RAD51B: variants seen among roughly 807,000 people sequenced by gnomAD.
The protein encoded by RAD51B is RAD51 paralog B, also known as DNA repair protein RAD51 homolog 2.
RAD51B carries 38 observed loss-of-function variants against 42.2 expected under a neutral mutation model. That is an observed-to-expected ratio of 0.90 (90% CI 0.70 to 1.18). RAD51B has a LOEUF of 1.18. Among genes scored for constraint, RAD51B ranks in the 50% most tolerant of loss-of-function variants. RAD51B has a pLI of 0.00. For synonymous variants in RAD51B, 154 were observed against 145.2 expected (o/e 1.06, Z -0.43); for missense variants, 373 against 400.7 (o/e 0.93, Z 0.59).
At chr14:68,059,392 T>C (rs577220254) in intron 7 of RAD51B, among the ~76,000 whole-genome samples, 2 of 152,284 alleles carry the variant, frequency 1.3e-5, no homozygotes, top group Non-Finnish European at 1.5e-5. Context: ...CAAGACACAA[T>C]GGCCTGGCCT....
chr14:68,477,315 T>C (rs1452687141), intron 10 of RAD51B, among the ~76,000 whole-genome samples: 1 of 152,216 alleles, frequency 6.6e-6, no homozygotes, highest in Non-Finnish European at 1.5e-5. Flanking sequence ...TGGCTACAGA[T>C]GGCAGCTGGC....
intron 4 of RAD51B, among the ~76,000 whole-genome samples, chr14:67,854,141 C>G (rs2041908589): frequency 6.6e-6 from 1 of 152,110 alleles, no homozygotes; most frequent in African/African-American, 2.4e-5. Context: ...TTTTTCTTAA[C>G]CACACCCTCC....
chr14:68,551,931 G>C (rs992582019), intron 10 of RAD51B, among the ~76,000 whole-genome samples: 21 of 152,254 alleles, frequency 1.4e-4, no homozygotes, highest in African/African-American at 4.6e-4. Flanking sequence ...AAGTCATAAG[G>C]GTGCTGTTCT....
At chr14:68,600,488 C>T (rs1293901976), downstream of RAD51B, among the ~76,000 whole-genome samples, 1 of 152,204 alleles carries the variant, frequency 6.6e-6, no homozygotes, top group African/African-American at 2.4e-5. Context: ...TGGGTATTGG[C>T]AGCCCACAGG....
At chr14:67,954,062 T>C (rs17104800) in intron 7 of RAD51B, among the ~76,000 whole-genome samples, 49,705 of 152,008 alleles carry the variant, frequency 0.33, 11,554 homozygotes, top group African/African-American at 0.66. Context: ...AGGTGTGTGA[T>C]CTTGTTTTAC....
At chr14:67,973,583 A>G (rs1719022204) in intron 7 of RAD51B, among the ~76,000 whole-genome samples, 2 of 152,194 alleles carry the variant, frequency 1.3e-5, no homozygotes, top group South Asian at 4.1e-4. Flanking sequence ...CAAACCACAT[A>G]GGACAAATTG....
At position 68,157,719 on chromosome 14, in the gene RAD51B, G is replaced by A. The variant is rs151117741; in HGVS notation, c.757-134165G>A. ...ATCCTGAATAAAAACAATAATAATGGCAATAACAAACTATTATTTTTTTAA... is the reference window on the plus strand; with the variant it reads ...ATCCTGAATAAAAACAATAATAATGACAATAACAAACTATTATTTTTTTAA... On this transcript the variant is annotated intron_variant, in intron 7 of 10. Transcript: ENST00000471583. Among the ~76,000 whole-genome samples, 563 of 152,200 alleles carry A rather than the reference G, an allele frequency of 3.7e-3. 3 individuals are homozygous for A. The highest frequency in any genetic ancestry group is 7.5e-3 in the Admixed American group (114 of 15,288).
chr14:68,042,445 G>C (rs1456287824), intron 7 of RAD51B, among the ~76,000 whole-genome samples: 1 of 152,140 alleles, frequency 6.6e-6, no homozygotes, highest in Non-Finnish European at 1.5e-5. Flanking sequence ...AGGAATAGTT[G>C]TTTCCTACCA....
At chr14:68,504,662 C>CTTTTTTT (rs57967320) in intron 10 of RAD51B, among the ~76,000 whole-genome samples, 48 of 90,416 alleles carry the variant, frequency 5.3e-4, no homozygotes, top group Non-Finnish European at 7.3e-4. Context: ...TTTTTTCTTT[C>CTTTTTTT]TTTTTTTTTT....
At chr14:68,581,298 G>A (rs1431881610) in intron 10 of RAD51B, among the ~76,000 whole-genome samples, 1 of 152,204 alleles carries the variant, frequency 6.6e-6, no homozygotes, top group Admixed American at 6.5e-5. Context: ...GGTTGGGAGG[G>A]TAAAGGGCCA....
chr14:68,371,075 TA>T (rs141972827), intron 8 of RAD51B, among the ~76,000 whole-genome samples: 5 of 129,346 alleles, frequency 3.9e-5, no homozygotes, highest in African/African-American at 1.1e-4. Context: ...AAAAGAAAAT[TA>T]AAAAAAAAGA....
chr14:68,290,931 T>C (rs1002491468), intron 7 of RAD51B, among the ~76,000 whole-genome samples: 14 of 151,802 alleles, frequency 9.2e-5, no homozygotes, highest in African/African-American at 3.1e-4. Context: ...CTCAGCCTCC[T>C]GAGTAGCTAG....
intron 8 of RAD51B, among the ~76,000 whole-genome samples, chr14:68,335,705 T>C (rs911255): frequency 0.66 from 100,979 of 152,062 alleles, 33,990 homozygotes; most frequent in Non-Finnish European, 0.73. Context: ...GAAATTGTGG[T>C]CTTGAGAGCC....
rs187580487 is a variant in RAD51B at position 68,173,804 on chromosome 14, C to T, written c.757-118080C>T. Among the ~76,000 whole-genome samples the T allele has an allele frequency of 4.8e-4, 73 of 152,290 alleles. 1 individual carries two copies. Among genetic ancestry groups the T allele is most frequent in the Admixed American group, 2.0e-3 (31 of 15,294 alleles). ...CAAGGAAGAATGCATAGCTTTGAAA[C>T]AGTCTTAAGATGAGTAAAAGTCTTA... On this transcript the variant is annotated intron_variant, in intron 7 of 10. Coordinates refer to ENST00000471583, the MANE Select transcript of RAD51B (RefSeq NM_133510.4).
intron 7 of RAD51B, among the ~76,000 whole-genome samples, chr14:68,264,337 G>T (rs1350432115): frequency 6.6e-6 from 1 of 152,224 alleles, no homozygotes; most frequent in Non-Finnish European, 1.5e-5. Flanking sequence ...CTATGACTGG[G>T]GTTAGGGATG....
At chr14:68,298,739 G>A (rs1414979281) in intron 8 of RAD51B, among the ~76,000 whole-genome samples, 3 of 152,144 alleles carry the variant, frequency 2.0e-5, no homozygotes, top group Non-Finnish European at 4.4e-5. Context: ...TGATCCCAGA[G>A]GCCTTCAAGT....
At chr14:68,306,592 G>T in intron 8 of RAD51B, 1 of 511,870 alleles carries the variant, frequency 2.0e-6, no homozygotes, top group Non-Finnish European at 3.9e-6. Context: ...AATTTGCATT[G>T]GAAACCACAG....
At chr14:68,668,691 C>T (rs1437026520) in intron 11 of RAD51B, among the ~76,000 whole-genome samples, 6 of 152,342 alleles carry the variant, frequency 3.9e-5, no homozygotes, top group Admixed American at 6.5e-5. Context: ...TCCCCTCTGC[C>T]GCCCGAGTCA....
chr14:68,624,387 G>A (rs2140117670), intron 10 of RAD51B, among the ~76,000 whole-genome samples: 1 of 152,256 alleles, frequency 6.6e-6, no homozygotes, highest in South Asian at 2.1e-4. Flanking sequence ...CTATGGTTCT[G>A]GGGAAGCTAA....
Sources: allele counts gnomAD v4.1 joint callset (sites outside exome capture counted in the v4.1 genomes callset), GRCh38; gene constraint gnomAD v4.1.1; transcripts MANE v1.5; gene names NCBI Gene and HGNC (gene_info 2026-07-23, HGNC 2026-07-21).